Variants in SLF1 observed in about 807,000 individuals in gnomAD.
The protein encoded by SLF1 is SMC5-SMC6 complex localization factor protein 1.
In SLF1, 105 loss-of-function variants were observed where a neutral mutation model predicts 123.0. The ratio of observed to expected loss-of-function variants is 0.85; its 90% CI spans 0.73 to 1.00. The LOEUF is 1.00. SLF1 is among the 50% of genes least tolerant of loss of function. The probability of loss-of-function intolerance (pLI) is 0.00; values close to 1 mark genes in which losing one functional copy is unlikely to be tolerated. For synonymous variants in SLF1, 434 were observed against 406.6 expected, an observed-to-expected ratio of 1.07 and a Z score of -0.81; for missense variants, 1,239 against 1,223.0, an observed-to-expected ratio of 1.01 and a Z score of -0.20.
rs190985905 is a variant in SLF1 at position 94,660,840 on chromosome 5, C to T, written c.1156-1458C>T. Reference sequence around the variant, plus strand: ...GCCCCAGGCAGGTGGCTCTCAGGATCTGAGGAGCTCCTGCTTTGGCTCCTT... The same window carrying T: ...GCCCCAGGCAGGTGGCTCTCAGGATTTGAGGAGCTCCTGCTTTGGCTCCTT... On this transcript the variant is annotated intron_variant, in intron 9 of 20. Transcript: ENST00000265140. Among the ~76,000 whole-genome samples, 448 of 152,300 alleles carry T rather than the reference C, an allele frequency of 2.9e-3. 10 individuals carry two copies. The highest frequency in any genetic ancestry group is 0.022 in the Admixed American group (340 of 15,306).
chr5:94,654,827 A>G (rs1210101125), intron 9 of SLF1, 75 bp downstream of exon 9: 33 of 987,812 alleles, frequency 3.3e-5, no homozygotes, highest in Non-Finnish European at 4.0e-5. Context: ...AATTATATAT[A>G]CATATATACA....
Position 94,670,973 on chromosome 5 carries a change from A to G in SLF1, c.1792A>G (p.Ile598Val), listed in dbSNP as rs1458635921. 3.2e-6 allele frequency: 5 copies of G among 1,548,170 alleles called. No homozygotes were observed. The highest frequency in any genetic ancestry group is 1.4e-5 in the African/African-American group (1 of 73,070). Residue 598 changes from isoleucine to valine, a missense_variant, in exon 14 of 21, where the codon ATA becomes GTA. Ile to Val is a conservative substitution (Grantham distance 29, BLOSUM62 3). Transcript: ENST00000265140. ...KPVNMLLEWT[I>V]YSHKEKFKSN... Reference sequence around the variant, plus strand: ...AGTAAATATGCTTTTGGAATGGACTATATATTCTCACAAGGAAAAATTCAA... The same window carrying G: ...AGTAAATATGCTTTTGGAATGGACTGTATATTCTCACAAGGAAAAATTCAA...
At chr5:94,681,107 G>T (rs1019745521) in intron 15 of SLF1, among the ~76,000 whole-genome samples, 1 of 152,150 alleles carries the variant, frequency 6.6e-6, no homozygotes, top group African/African-American at 2.4e-5. Context: ...TAGCTAGGCA[G>T]TTTAAAAGTT....
chr5:94,683,465 T>A (rs1752055993), intron 15 of SLF1, among the ~76,000 whole-genome samples: 1 of 152,234 alleles, frequency 6.6e-6, no homozygotes, highest in African/African-American at 2.4e-5. Flanking sequence ...TAAGTTAATA[T>A]AAATATGTCA....
intron 20 of SLF1, among the ~76,000 whole-genome samples, chr5:94,693,022 A>G (rs1753202260): frequency 6.6e-6 from 1 of 152,178 alleles, no homozygotes; most frequent in Admixed American, 6.6e-5. Flanking sequence ...GGAAACAAAG[A>G]TTTGTAGAAA....
intron 1 of SLF1, among the ~76,000 whole-genome samples, chr5:94,622,429 G>A (rs1451647259): frequency 6.6e-6 from 1 of 152,098 alleles, no homozygotes; most frequent in East Asian, 1.9e-4. Context: ...ACCATGAAGA[G>A]TATTAAGTGG....
chr5:94,656,066 A>G (rs757987886), intron 9 of SLF1, among the ~76,000 whole-genome samples: 33 of 151,990 alleles, frequency 2.2e-4, no homozygotes, highest in Non-Finnish European at 3.4e-4. Context: ...CCCATTTCAC[A>G]TAAGGTAGCT....
At chr5:94,656,931 A>C (rs1748460485) in intron 9 of SLF1, among the ~76,000 whole-genome samples, 1 of 150,212 alleles carries the variant, frequency 6.7e-6, no homozygotes. Context: ...AAATTAACTT[A>C]TTTGTTTCAT....
chr5:94,669,645 G>A (rs1221712182), intron 12 of SLF1, among the ~76,000 whole-genome samples: 1 of 151,984 alleles, frequency 6.6e-6, no homozygotes, highest in East Asian at 1.9e-4. Flanking sequence ...AGAAAGTTCA[G>A]TTGGAGAGGA....
chr5:94,651,379 C>G (rs1747702762), intron 6 of SLF1, among the ~76,000 whole-genome samples: 1 of 152,092 alleles, frequency 6.6e-6, no homozygotes, highest in South Asian at 2.1e-4. Context: ...ATGTAAAATT[C>G]AAGTAGAAAT....
chr5:94,660,190 G>A (rs918030606), intron 9 of SLF1, among the ~76,000 whole-genome samples: 7 of 152,160 alleles, frequency 4.6e-5, no homozygotes, highest in African/African-American at 1.4e-4. Flanking sequence ...GTTGGTGAAT[G>A]GGTGGGTTGA....
chr5:94,619,324 A>T (rs897284292), intron 1 of SLF1, among the ~76,000 whole-genome samples: 1 of 151,688 alleles, frequency 6.6e-6, no homozygotes, highest in African/African-American at 2.4e-5. Flanking sequence ...CAGTGATCCT[A>T]TCTCTGACTG....
At position 94,628,937 on chromosome 5, in the gene SLF1, T is replaced by G. The variant is rs1389896481; in HGVS notation, c.114+13T>G. The stretch of plus-strand genomic sequence containing the variant: ...TATTAAGAGTGAGGTAAGAAACTTA[T>G]CAAAATGTTCAAGATATATTTGAAA... On this transcript the variant is annotated intron_variant, in intron 2 of 20. Coordinates refer to ENST00000265140, the MANE Select transcript of SLF1 (RefSeq NM_032290.4). The G allele has an allele frequency of 6.6e-7, 1 of 1,507,146 alleles. No individual in the cohort carries two copies. The highest frequency in any genetic ancestry group is 1.3e-5 in the South Asian group (1 of 79,316). 93.4% of individuals were successfully genotyped at this position (1,507,146 alleles called of 1,614,324 possible).
chr5:94,659,546 G>C (rs1309239851), intron 9 of SLF1, among the ~76,000 whole-genome samples: 1 of 152,206 alleles, frequency 6.6e-6, no homozygotes, highest in African/African-American at 2.4e-5. Flanking sequence ...AGTTTTGCCA[G>C]ATGTGAGCAC....
chr5:94,651,906 T>A, intron 7 of SLF1, 61 bp downstream of exon 7: 1 of 836,442 alleles, frequency 1.2e-6, no homozygotes, highest in South Asian at 4.7e-5. Flanking sequence ...ATAGAACAGT[T>A]TTCTTTAGCT....
Position 94,664,758 on chromosome 5 carries a change from T to C in SLF1, c.1368+850T>C, listed in dbSNP as rs1749546940. Among the ~76,000 whole-genome samples, 7 of 152,290 alleles carry C rather than the reference T, an allele frequency of 4.6e-5. No homozygotes were observed. The South Asian group carries it at 1.0e-3, about 23-fold the overall frequency. On this transcript the variant is annotated intron_variant, in intron 11 of 20. Coordinates refer to ENST00000265140, the MANE Select transcript of SLF1 (RefSeq NM_032290.4). ...AAAATGTGTATTCCATCTAAGGTAG[T>C]GTTAATAGAAGGGATTACCCAATGT...
chr5:94,689,487 C>T lies in SLF1; in HGVS notation c.2300C>T (p.Ala767Val), dbSNP rs1261580075. 1 of 1,611,760 alleles carries T rather than the reference C, an allele frequency of 6.2e-7. No individual in the cohort carries two copies. The highest frequency in any genetic ancestry group is 2.2e-5 in the East Asian group (1 of 44,784). ...GLPELLDLNL[A>V]KCSSSLKKLK... ...TTTCCTTTCAGAGACCTGAACCTTG[C>T]TAAATGTTCCTCATCATTAAAAAAA... is the stretch of plus-strand genomic sequence containing the variant. Residue 767 changes from alanine (A) to valine (V), a missense_variant, in exon 18 of 21, where the codon GCT becomes GTT. By Grantham distance (64) the Ala-to-Val change is moderately conservative. Coordinates refer to ENST00000265140, the MANE Select transcript of SLF1 (RefSeq NM_032290.4).
intron 17 of SLF1, among the ~76,000 whole-genome samples, chr5:94,689,085 A>G (rs180934329): frequency 4.6e-4 from 70 of 152,328 alleles, no homozygotes; most frequent in African/African-American, 1.5e-3. Flanking sequence ...TAAAACTCAG[A>G]AAGCCTGAAA....
At chr5:94,666,223 AAAAAT>A (rs1464246966) in intron 12 of SLF1, among the ~76,000 whole-genome samples, 199 bp downstream of exon 12, 33 of 152,364 alleles carry the variant, frequency 2.2e-4, no homozygotes, top group African/African-American at 7.5e-4. Flanking sequence ...TGTTTCCTAA[AAAAAT>A]AAAAAATGAA....
Sources: gnomAD v4.1 joint callset for allele counts (sites outside exome capture counted in the v4.1 genomes callset) on GRCh38, gnomAD v4.1.1 for gene constraint, MANE v1.5 for transcripts, NCBI Gene and HGNC (gene_info 2026-07-23, HGNC 2026-07-21) for gene names.